The following STK3 variants were observed in gnomAD, a reference collection of about 807,000 sequenced individuals.
STK3 encodes the protein serine/threonine-protein kinase 3.
A neutral mutation model predicts 58.0 loss-of-function variants in STK3; 41 were observed. That is an observed-to-expected ratio of 0.71 (90% CI 0.55 to 0.92). The LOEUF (loss-of-function observed/expected upper bound fraction) is 0.92, where lower values mean the gene tolerates loss of function less well. Among genes scored for constraint, STK3 ranks in the 40% least tolerant of loss-of-function variants. The pLI, the probability that STK3 is intolerant of heterozygous loss-of-function variation, is 0.00. For synonymous variants in STK3, 170 were observed against 191.0 expected (o/e 0.89, Z 0.91); for missense variants, 479 against 602.7 (o/e 0.79, Z 2.15).
chr8:98,905,499 T>C (rs1838862062), intron 1 of STK3: 2 of 1,168,278 alleles, frequency 1.7e-6, no homozygotes, highest in Non-Finnish European at 2.6e-6. Flanking sequence ...ATGAAGCTTG[T>C]AATGATGCAA....
At chr8:98,811,387 A>G (rs556650602) in intron 1 of STK3, among the ~76,000 whole-genome samples, 37 of 152,316 alleles carry the variant, frequency 2.4e-4, no homozygotes, top group Non-Finnish European at 4.3e-4. Flanking sequence ...TTAATGAGTC[A>G]TAAGTGTTAC....
At chr8:98,781,493 A>G (rs1021885106) in intron 1 of STK3, among the ~76,000 whole-genome samples, 5 of 152,230 alleles carry the variant, frequency 3.3e-5, no homozygotes, top group Non-Finnish European at 7.3e-5. Context: ...CAGACAAGGC[A>G]ATTTATCACA....
chr8:98,607,002 G>A (rs1639061592), intron 6 of STK3, among the ~76,000 whole-genome samples: 2 of 152,174 alleles, frequency 1.3e-5, no homozygotes. Flanking sequence ...TGGGGATCAT[G>A]CCCTTGAACT....
At position 98,889,940 on chromosome 8, in the gene STK3, A is replaced by C. The variant is rs1838134002; in HGVS notation, c.-78-6106T>G. 2.0e-5 allele frequency: 3 copies of C among 152,222 alleles called. No homozygotes were observed. The South Asian group carries it at 6.2e-4, about 31-fold the overall frequency. The allele number at this position is 152,222 out of a possible 1,614,324, so 9.4% of individuals were successfully genotyped here. ...AAGGCACACAGTTACTGATTTCTGC[A>C]AGCTTTGAACTAGCAGTATCTTTAA... On this transcript the variant is annotated intron_variant, in intron 1 of 1. Transcript: ENST00000519420.
At chr8:98,456,646 T>G (rs991724249) in intron 10 of STK3, among the ~76,000 whole-genome samples, 2 of 152,224 alleles carry the variant, frequency 1.3e-5, no homozygotes, top group Non-Finnish European at 2.9e-5. Context: ...TTATTTTTTT[T>G]GACACAAGGT....
intron 10 of STK3, among the ~76,000 whole-genome samples, chr8:98,480,818 T>G (rs964979585): frequency 6.6e-6 from 1 of 152,342 alleles, no homozygotes; most frequent in East Asian, 1.9e-4. Context: ...GGGGAAAGTT[T>G]CAGGCTATGC....
chr8:98,902,087 G>A (rs183681906), intron 1 of STK3, among the ~76,000 whole-genome samples: 6 of 152,104 alleles, frequency 3.9e-5, no homozygotes, highest in South Asian at 2.1e-4. Flanking sequence ...ATCCTCTCCC[G>A]CGCTTTCTTC....
chr8:98,691,192 T>C (rs1429651506), intron 6 of STK3, among the ~76,000 whole-genome samples: 1 of 152,160 alleles, frequency 6.6e-6, no homozygotes, highest in Non-Finnish European at 1.5e-5. Context: ...AACCTGCACA[T>C]GTACCCTAAA....
At position 98,749,391 on chromosome 8, in the gene STK3, C is replaced by T; in HGVS notation, c.237-1G>A. 4.0e-6 allele frequency: 6 copies of T among 1,487,170 alleles called. 1 individual carries two copies. In the Middle Eastern group the frequency reaches 8.9e-4, roughly 219 times the overall value. The allele number at this position is 1,487,170 out of a possible 1,614,324, so 92.1% of individuals were successfully genotyped here. On this transcript the variant is annotated splice_acceptor_variant, in intron 3 of 10. Coordinates refer to ENST00000419617, the MANE Select transcript of STK3 (RefSeq NM_006281.4). LOFTEE classifies it high-confidence loss of function. ...GCCATAGTACTTTACAACATATGGG[C>T]TAAAGGAAAATACATAAACAATTAA...
intron 8 of STK3, among the ~76,000 whole-genome samples, chr8:98,563,410 T>C (rs1812218006): frequency 6.6e-6 from 1 of 152,176 alleles, no homozygotes. Context: ...CATACATATA[T>C]ATACACACAC....
intron 3 of STK3, among the ~76,000 whole-genome samples, chr8:98,417,474 A>G (rs1197198002): frequency 1.3e-5 from 2 of 152,128 alleles, no homozygotes; most frequent in Non-Finnish European, 2.9e-5. Context: ...AGATTGTGCC[A>G]CTGCACTCCA....
chr8:98,679,006 C>T (rs1412582869), intron 6 of STK3, among the ~76,000 whole-genome samples: 1 of 152,170 alleles, frequency 6.6e-6, no homozygotes, highest in African/African-American at 2.4e-5. Flanking sequence ...TGTCAGTGCT[C>T]TCATATACCT....
chr8:98,651,849 C>T (rs1028742191), intron 6 of STK3: 75 of 152,254 alleles, frequency 4.9e-4, no homozygotes, highest in African/African-American at 1.3e-3. Flanking sequence ...ACCAGATCTA[C>T]GTCTGATTGG....
At chr8:98,483,759 A>C (rs1822021464) in intron 10 of STK3, among the ~76,000 whole-genome samples, 1 of 152,218 alleles carries the variant, frequency 6.6e-6, no homozygotes, top group Non-Finnish European at 1.5e-5. Context: ...AAAAGGTGGG[A>C]TAACCAATTT....
At chr8:98,583,076 A>C (rs971667084) in intron 7 of STK3, among the ~76,000 whole-genome samples, 1 of 151,814 alleles carries the variant, frequency 6.6e-6, no homozygotes, top group African/African-American at 2.4e-5. Flanking sequence ...TATTCATACT[A>C]TCTTTTTATA....
At chr8:98,875,572 A>G (rs1837536179) in intron 3 of STK3, 1 of 152,244 alleles carries the variant, frequency 6.6e-6, no homozygotes, top group African/African-American at 2.4e-5. Context: ...ACCTTCATAA[A>G]TAAAGACCAT....
intron 3 of STK3, chr8:98,427,951 G>A (rs1286913344): frequency 6.8e-7 from 1 of 1,471,072 alleles, no homozygotes; most frequent in Non-Finnish European, 9.1e-7. Context: ...TAGCGCCCCC[G>A]CGCGGCGCGG....
chr8:98,637,121 G>GT (rs375757813), intron 6 of STK3, among the ~76,000 whole-genome samples: 35 of 143,314 alleles, frequency 2.4e-4, no homozygotes, highest in African/African-American at 8.8e-4. Context: ...GAAAACCAAT[G>GT]TTTTTTTACA....
chr8:98,596,809 C>A (rs559256996), intron 6 of STK3, among the ~76,000 whole-genome samples: 1 of 151,944 alleles, frequency 6.6e-6, no homozygotes, highest in South Asian at 2.1e-4. Context: ...TCCATCTCAT[C>A]TCTCGCCTCC....
Sources: gnomAD v4.1 joint callset for allele counts (sites outside exome capture counted in the v4.1 genomes callset) on GRCh38, gnomAD v4.1.1 for gene constraint, MANE v1.5 for transcripts, NCBI Gene and HGNC (gene_info 2026-07-23, HGNC 2026-07-21) for gene names.